HRG: variants seen among roughly 807,000 people sequenced by gnomAD.
HRG encodes histidine rich glycoprotein, also known as histidine-rich glycoprotein.
A neutral mutation model predicts 29.5 loss-of-function variants in HRG; 26 were observed. The observed-to-expected ratio is 0.88, with a 90% CI of 0.65 to 1.22. HRG has a LOEUF of 1.22. Among genes scored for constraint, HRG ranks in the 50% most tolerant of loss-of-function variants. HRG has a pLI of 0.00. For missense variants in HRG, 671 were observed against 654.5 expected (o/e 1.03, Z -0.28); for synonymous variants, 243 against 240.4 (o/e 1.01, Z -0.10).
chr3:186,672,737 TC>T, intron 4 of HRG, 49 bp from the exon 5 acceptor site: 2 of 1,238,728 alleles, frequency 1.6e-6, no homozygotes, highest in Non-Finnish European at 1.2e-6. Context: ...TGCTTTTTTT[TC>T]CTTTTTCTTT....
chr3:186,671,014 T>C (rs926210370), intron 3 of HRG, among the ~76,000 whole-genome samples: 6 of 151,846 alleles, frequency 4.0e-5, no homozygotes, highest in Admixed American at 1.3e-4. Flanking sequence ...CAAAACTCTA[T>C]GTTAATGCTC....
At chr3:186,671,496 C>T in intron 3 of HRG, 127 bp from the exon 4 acceptor site, 1 of 928,130 alleles carries the variant, frequency 1.1e-6, no homozygotes, top group Non-Finnish European at 1.8e-6. Context: ...GATCTTGAAG[C>T]AGTTACTCAG....
Position 186,677,835 on chromosome 3 carries a change from T to A in HRG, c.1530T>A (p.Ser510Arg). The A allele has an allele frequency of 6.2e-7, 1 of 1,614,080 alleles. No individual in the cohort carries two copies. The change falls in exon 7 of 7, where the codon AGT becomes AGA. Residue 510 changes from serine (S) to arginine (R), a missense_variant. Coordinates refer to ENST00000232003, the MANE Select transcript of HRG (RefSeq NM_000412.5). ...VSESCPGKFKSGFPQVSMFFT... is the reference protein window; with the variant it reads ...VSESCPGKFKRGFPQVSMFFT... ...AATCATGTCCAGGGAAGTTCAAGAG[T>A]GGGTTTCCACAAGTTTCCATGTTTT...
rs2108585394 is a variant in HRG at position 186,677,287 on chromosome 3, C to T, written c.982C>T (p.Gln328Ter). 1.2e-6 allele frequency: 2 copies of T among 1,614,114 alleles called. No individual in the cohort carries two copies. Among genetic ancestry groups the T allele is most frequent in the Non-Finnish European group, 1.7e-6 (2 of 1,180,022 alleles). Residue 328 changes from glutamine to a stop codon, truncating the protein, a stop_gained, in exon 7 of 7, where the codon CAA becomes TAA. Transcript: ENST00000232003. LOFTEE classifies it low-confidence loss of function (END_TRUNC). Reference protein sequence around the residue: ...PLLPMSCSSCQHATFGTNGAQ... With the variant: ...PLLPMSCSSC ...ATTGCCCATGTCCTGCTCAAGTTGT[C>T]AACATGCCACTTTTGGCACAAATGG...
chr3:186,673,634 A>G (rs1718879627), intron 5 of HRG: 1 of 152,246 alleles, frequency 6.6e-6, no homozygotes, highest in Admixed American at 6.5e-5. Flanking sequence ...CCCTACGCCA[A>G]GTGGTTTTAT....
intron 4 of HRG, 21 bp downstream of exon 4, chr3:186,671,810 G>T (rs150963946): frequency 2.4e-5 from 38 of 1,611,784 alleles, no homozygotes; most frequent in South Asian, 3.3e-5. Flanking sequence ...ACTAAGGTTC[G>T]GTTGGAGTCT....
At chr3:186,668,776 T>C in intron 1 of HRG, 159 bp from the exon 2 acceptor site, 2 of 621,166 alleles carry the variant, frequency 3.2e-6, no homozygotes, top group Middle Eastern at 4.3e-4. Context: ...AGCTATGTAT[T>C]GGAATCAATA....
Position 186,668,929 on chromosome 3 carries a change from C to T in HRG, c.184-6C>T, listed in dbSNP as rs961609068. On this transcript the variant is annotated splice_region_variant and splice_polypyrimidine_tract_variant and intron_variant, in intron 1 of 6. Transcript: ENST00000232003. ...CTACTCACATGTTGCTTTTGGCATTCCTCAGGAAAATACAACTGTATATTA... is the reference window on the plus strand; with the variant it reads ...CTACTCACATGTTGCTTTTGGCATTTCTCAGGAAAATACAACTGTATATTA... The T allele has an allele frequency of 1.3e-6, 2 of 1,532,962 alleles. No homozygotes were observed. Among genetic ancestry groups the T allele is most frequent in the Admixed American group, 3.3e-5 (2 of 59,910 alleles). 95.0% of individuals were successfully genotyped at this position (1,532,962 alleles called of 1,614,324 possible).
chr3:186,669,566 A>G (rs943973933), intron 2 of HRG: 4 of 366,438 alleles, frequency 1.1e-5, no homozygotes, highest in Non-Finnish European at 2.1e-5. Context: ...GGGTATTGAC[A>G]TGCCAGGCTC....
Position 186,671,676 on chromosome 3 carries a change from G to C in HRG, c.445G>C (p.Glu149Gln), listed in dbSNP as rs1718799057. 3.7e-6 allele frequency: 6 copies of C among 1,614,018 alleles called. No individual in the cohort carries two copies. Among genetic ancestry groups the C allele is most frequent in the Non-Finnish European group, 5.1e-6 (6 of 1,179,940 alleles). The change falls in exon 4 of 7, where the codon GAG (glutamate) becomes CAG (glutamine). Residue 149 changes from glutamate (E) to glutamine (Q), a missense_variant. Physicochemically the swap from Glu to Gln is conservative, Grantham distance 29 (BLOSUM62 2). Transcript: ENST00000232003. Reference sequence around the variant, plus strand: ...TAGTCCGGTCCTCATAGATTTCTTTGAGGATACTGAGCGCTACAGAAAACA... The same window carrying C: ...TAGTCCGGTCCTCATAGATTTCTTTCAGGATACTGAGCGCTACAGAAAACA... Reference protein sequence around the residue: ...KDSPVLIDFFEDTERYRKQAN... With the variant: ...KDSPVLIDFFQDTERYRKQAN...
intron 6 of HRG, 116 bp downstream of exon 6, chr3:186,675,306 T>TGA (rs1271203185): frequency 8.5e-4 from 393 of 465,010 alleles, no homozygotes; most frequent in African/African-American, 5.7e-3. Context: ...TGTGTGTGTG[T>TGA]GTGAGAGAGA....
chr3:186,669,070 T>G lies in HRG; in HGVS notation c.300+19T>G. On this transcript the variant is annotated intron_variant, in intron 2 of 6. Coordinates refer to ENST00000232003, the MANE Select transcript of HRG (RefSeq NM_000412.5). Reference sequence around the variant, plus strand: ...TGAAATAGTAAGTAAAGAGGGCACCTTCACTCTGCTCTTTTCATTCTTATT... The same window carrying G: ...TGAAATAGTAAGTAAAGAGGGCACCGTCACTCTGCTCTTTTCATTCTTATT... The G allele has an allele frequency of 8.2e-7, 1 of 1,220,594 alleles. No individual in the cohort carries two copies. Among genetic ancestry groups the G allele is most frequent in the Non-Finnish European group, 1.2e-6 (1 of 820,230 alleles). The allele number at this position is 1,220,594 out of a possible 1,614,324, so 75.6% of individuals were successfully genotyped here.
intron 3 of HRG, among the ~76,000 whole-genome samples, chr3:186,671,331 C>T (rs867317707): frequency 5.4e-5 from 8 of 147,958 alleles, no homozygotes; most frequent in South Asian, 2.1e-4. Flanking sequence ...TATATATTAA[C>T]GAATGTCATA....
rs1471472684 is a variant in HRG, at chr3:186,677,776, C to T, written c.1471C>T (p.Pro491Ser). Residue 491 changes from proline (P) to serine (S), a missense_variant, in exon 7 of 7, where the codon CCA (proline) becomes TCA (serine). Pro to Ser is a moderately conservative substitution (Grantham distance 74). Coordinates refer to ENST00000232003, the MANE Select transcript of HRG (RefSeq NM_000412.5). ...GCCGCACCACAAACATCCTCTAAAG[C>T]CAGACAATCAGCCCTTTCCTCAATC... Reference protein sequence around the residue: ...PLPHHKHPLKPDNQPFPQSVS... With the variant: ...PLPHHKHPLKSDNQPFPQSVS... 1.2e-6 allele frequency: 2 copies of T among 1,613,814 alleles called. No individual in the cohort carries two copies. Among genetic ancestry groups the T allele is most frequent in the Non-Finnish European group, 1.7e-6 (2 of 1,179,796 alleles).
chr3:186,669,074 C>G (rs1336363275), intron 2 of HRG, 23 bp downstream of exon 2: 1 of 1,204,116 alleles, frequency 8.3e-7, no homozygotes, highest in South Asian at 1.2e-5. Flanking sequence ...GGCACCTTCA[C>G]TCTGCTCTTT....
chr3:186,674,946 A>G, intron 5 of HRG, 143 bp from the exon 6 acceptor site: 1 of 732,514 alleles, frequency 1.4e-6, no homozygotes, highest in South Asian at 1.4e-5. Flanking sequence ...AAGATTGCTG[A>G]ACGACTGGTG....
chr3:186,666,543 G>A (rs989277454), intron 1 of HRG, among the ~76,000 whole-genome samples: 2 of 152,192 alleles, frequency 1.3e-5, no homozygotes, highest in African/African-American at 4.8e-5. Flanking sequence ...GGCAAACAGT[G>A]TAAGTTACTA....
intron 5 of HRG, 84 bp downstream of exon 5, chr3:186,672,951 G>A (rs904667232): frequency 3.3e-6 from 3 of 907,042 alleles, no homozygotes; most frequent in Non-Finnish European, 5.5e-6. Flanking sequence ...AGGAGAAGGA[G>A]AGGAAGGAGA....
intron 2 of HRG, 129 bp downstream of exon 2, chr3:186,669,180 A>G (rs773180255): frequency 8.0e-5 from 61 of 764,492 alleles, no homozygotes; most frequent in Middle Eastern, 4.5e-4. Context: ...ATTCATGAAG[A>G]TGATGTTAAC....
Sources: gnomAD v4.1 joint callset for allele counts (sites outside exome capture counted in the v4.1 genomes callset) on GRCh38, gnomAD v4.1.1 for gene constraint, MANE v1.5 for transcripts, NCBI Gene and HGNC (gene_info 2026-07-23, HGNC 2026-07-21) for gene names.